EPSTI1: variants seen among roughly 807,000 people sequenced by gnomAD.
The protein encoded by EPSTI1 is epithelial stromal interaction 1.
A neutral mutation model predicts 49.9 loss-of-function variants in EPSTI1; 66 were observed. That is an observed-to-expected ratio of 1.32 (90% CI 1.08 to 1.62). EPSTI1 has a LOEUF of 1.62. EPSTI1 is among the 40% of genes most tolerant of loss of function. The pLI, the probability that EPSTI1 is intolerant of heterozygous loss-of-function variation, is 0.00. For missense variants in EPSTI1, 394 were observed against 365.5 expected, an observed-to-expected ratio of 1.08 and a Z score of -0.64; for synonymous variants, 137 against 130.7, an observed-to-expected ratio of 1.05 and a Z score of -0.33.
chr13:42,957,406 A>C (rs185780967), intron 5 of EPSTI1, among the ~76,000 whole-genome samples: 53 of 152,298 alleles, frequency 3.5e-4, no homozygotes, highest in Non-Finnish European at 6.6e-4. Flanking sequence ...GGAATTTTTC[A>C]TCTAAGGAGA....
In EPSTI1 at chr13:42,917,516, A is replaced by G. The variant is rs747674213; in HGVS notation, c.741+25T>C. ...TAGTACCTCAAATAAACAGTTAGCA[A>G]TAACTAGTAGGGGCTTGTAAGTACC... On this transcript the variant is annotated intron_variant, in intron 8 of 10. Transcript: ENST00000313624. The G allele has an allele frequency of 3.8e-6, 6 of 1,588,816 alleles. No homozygotes were observed. In the South Asian group the frequency reaches 5.6e-5, roughly 15 times the overall value.
rs1370525235 is a variant in EPSTI1 at position 42,898,641 on chromosome 13, G to C, written c.815+1669C>G. Among the ~76,000 whole-genome samples the C allele has an allele frequency of 2.7e-4, 3 of 11,062 alleles. No homozygotes were observed. The Admixed American group carries it at 5.6e-3, about 21-fold the overall frequency. 7.3% of individuals were successfully genotyped at this position (11,062 alleles called of 152,430 possible). On this transcript the variant is annotated intron_variant, in intron 9 of 10. Coordinates refer to ENST00000313624, the MANE Select transcript of EPSTI1 (RefSeq NM_033255.5). ...CAATATTTAGGTATTCAGTAGTATG[G>C]AAATAAAGAATGAAAGCCAAGATTC...
At chr13:42,935,615 G>C (rs1041977847) in intron 6 of EPSTI1, among the ~76,000 whole-genome samples, 4 of 152,056 alleles carry the variant, frequency 2.6e-5, no homozygotes, top group Non-Finnish European at 4.4e-5. Flanking sequence ...TTTTGAGGCA[G>C]AGTTTTGCTC....
chr13:42,933,720 C>G (rs2038457839), intron 6 of EPSTI1: 1 of 152,260 alleles, frequency 6.6e-6, no homozygotes, highest in African/African-American at 2.4e-5. Context: ...TGTCCTGCAG[C>G]TTTGGGTGCC....
intron 1 of EPSTI1, among the ~76,000 whole-genome samples, chr13:42,973,025 A>G (rs2039803039): frequency 6.6e-6 from 1 of 152,242 alleles, no homozygotes; most frequent in Non-Finnish European, 1.5e-5. Context: ...CTTAAAGAAT[A>G]GGATCTGAAA....
intron 8 of EPSTI1, among the ~76,000 whole-genome samples, chr13:42,913,775 G>A (rs1417115867): frequency 1.3e-5 from 2 of 152,210 alleles, no homozygotes; most frequent in Non-Finnish European, 2.9e-5. Flanking sequence ...TGCAGCATTA[G>A]TATTATGGTT....
chr13:42,954,010 C>T lies in EPSTI1; in HGVS notation c.501G>A (p.Leu167=). ...TTTCTTGAAGTCTTTTTTTCTCCTCCAGTTTATTGCTCTGAAATTGCAAAT... is the reference window on the plus strand; with the variant it reads ...TTTCTTGAAGTCTTTTTTTCTCCTCTAGTTTATTGCTCTGAAATTGCAAAT... The part of the protein sequence containing the change: ...KAIQREKSNK[L]EEKKRLQENL... The change falls in exon 6 of 11, where the codon CTG becomes CTA. Residue 167 remains leucine (L), a synonymous_variant. Transcript: ENST00000313624. 1 of 1,611,400 alleles carries T rather than the reference C, an allele frequency of 6.2e-7. No individual in the cohort carries two copies. Among genetic ancestry groups the T allele is most frequent in the East Asian group, 2.2e-5 (1 of 44,850 alleles).
At chr13:42,944,040 G>A (rs1274495417) in intron 6 of EPSTI1, among the ~76,000 whole-genome samples, 4 of 152,208 alleles carry the variant, frequency 2.6e-5, no homozygotes, top group Admixed American at 1.3e-4. Flanking sequence ...AGAGGATGTG[G>A]AGAAATAGGA....
Position 42,922,989 on chromosome 13 carries a change from T to C in EPSTI1, c.657+3347A>G, listed in dbSNP as rs901401371. ...AAAGCTTTGCTTCCCCTTACCTTGC[T>C]TGCAAAAGCTTTGCTTCCCCTCACC... On this transcript the variant is annotated intron_variant, in intron 7 of 10. Transcript: ENST00000313624. The surrounding 1 kb of genome is among the most constrained non-coding windows in gnomAD (Gnocchi z 4.8). Among the ~76,000 whole-genome samples, 14 of 152,262 alleles carry C rather than the reference T, an allele frequency of 9.2e-5. No individual in the cohort carries two copies. The highest frequency in any genetic ancestry group is 8.5e-4 in the Admixed American group (13 of 15,302).
At chr13:42,975,570 C>A (rs2039864760) in intron 1 of EPSTI1, among the ~76,000 whole-genome samples, 1 of 152,118 alleles carries the variant, frequency 6.6e-6, no homozygotes, top group African/African-American at 2.4e-5. Context: ...GAGAGGCATA[C>A]ACACCCAGGA....
At chr13:42,988,523 G>A (rs997601068) in intron 1 of EPSTI1, among the ~76,000 whole-genome samples, 5 of 152,162 alleles carry the variant, frequency 3.3e-5, no homozygotes, top group African/African-American at 1.2e-4. Flanking sequence ...ACAAGGTCAG[G>A]AGTTTGAGAC....
intron 8 of EPSTI1, among the ~76,000 whole-genome samples, chr13:42,916,410 G>A (rs1011433439): frequency 2.6e-5 from 4 of 152,096 alleles, no homozygotes; most frequent in Admixed American, 6.6e-5. Context: ...AAACAGCCTA[G>A]GGACACATTT....
At chr13:42,916,869 CATT>C (rs2037844960) in intron 8 of EPSTI1, among the ~76,000 whole-genome samples, 1 of 152,136 alleles carries the variant, frequency 6.6e-6, no homozygotes, top group African/African-American at 2.4e-5. Flanking sequence ...TCTTTCTCAT[CATT>C]CTCATTTCAT....
intron 6 of EPSTI1, among the ~76,000 whole-genome samples, chr13:42,926,990 G>GAC (rs10529424): frequency 0.02 from 2,884 of 144,654 alleles, 68 homozygotes; most frequent in African/African-American, 0.063. Context: ...TCTGTTAACA[G>GAC]ACACACACAC....
intron 8 of EPSTI1, among the ~76,000 whole-genome samples, 163 bp from the exon 9 acceptor site, chr13:42,900,546 G>C (rs1252228908): frequency 6.6e-6 from 1 of 151,598 alleles, no homozygotes; most frequent in African/African-American, 2.4e-5. Flanking sequence ...TATATACGTA[G>C]GTAGCAAATA....
At chr13:42,891,209 C>T (rs1354047157) in intron 10 of EPSTI1, among the ~76,000 whole-genome samples, 1 of 152,034 alleles carries the variant, frequency 6.6e-6, no homozygotes, top group South Asian at 2.1e-4. Flanking sequence ...CGGTCTTTGT[C>T]TAATTTTAAT....
At chr13:42,951,807 ATG>A (rs1178022925) in intron 6 of EPSTI1, among the ~76,000 whole-genome samples, 10 of 152,190 alleles carry the variant, frequency 6.6e-5, no homozygotes, top group Admixed American at 6.5e-4. Context: ...CCCTCTTCCA[ATG>A]TAAAACTAGT....
intron 5 of EPSTI1, among the ~76,000 whole-genome samples, chr13:42,959,312 C>G (rs2039372099): frequency 6.6e-6 from 1 of 152,206 alleles, no homozygotes; most frequent in Non-Finnish European, 1.5e-5. Context: ...AGGCTTAATG[C>G]TTCCACCAAG....
At chr13:42,955,873 T>G (rs1461533228) in intron 5 of EPSTI1, among the ~76,000 whole-genome samples, 2 of 27,672 alleles carry the variant, frequency 7.2e-5, no homozygotes, top group Non-Finnish European at 1.0e-4. Flanking sequence ...GATGAAGAAG[T>G]ATTTGGGGGG....
Sources: allele counts gnomAD v4.1 joint callset (sites outside exome capture counted in the v4.1 genomes callset), GRCh38; gene constraint gnomAD v4.1.1; non-coding constraint Gnocchi (gnomAD v3.1); transcripts MANE v1.5; gene names NCBI Gene and HGNC (gene_info 2026-07-23, HGNC 2026-07-21).